EPSTI1: variants seen among roughly 807,000 people sequenced by gnomAD.
EPSTI1 encodes the protein epithelial stromal interaction 1.
A neutral mutation model predicts 49.9 loss-of-function variants in EPSTI1; 66 were observed. That is an observed-to-expected ratio of 1.32 (90% CI 1.08 to 1.62). EPSTI1 has a LOEUF of 1.62. Among genes scored for constraint, EPSTI1 ranks in the 40% most tolerant of loss-of-function variants. The pLI is 0.00. For missense variants in EPSTI1, 394 were observed against 365.5 expected (o/e 1.08, Z -0.64); for synonymous variants, 137 against 130.7 (o/e 1.05, Z -0.33).
rs2153406566 is a variant in EPSTI1, at chr13:42,887,881, AG to A, written c.*612del. Reference sequence around the variant, plus strand: ...CAAAACAAGAGCCAACAGTAATGACAGTACTATATTTGATCTATACGGCCTG... The same window carrying A: ...CAAAACAAGAGCCAACAGTAATGACATACTATATTTGATCTATACGGCCTG... On this transcript the variant is annotated 3_prime_UTR_variant, in exon 11 of 11. Transcript: ENST00000313624. 6.3e-6 allele frequency: 1 copy of A among 159,524 alleles called. No individual in the cohort carries two copies. Among genetic ancestry groups the A allele is most frequent in the Admixed American group, 6.2e-5 (1 of 16,086 alleles). 9.9% of individuals were successfully genotyped at this position (159,524 alleles called of 1,614,324 possible). A position where few individuals can be genotyped will look rare whatever the true frequency, so the allele number is the denominator to read the frequency against.
At chr13:42,938,892 G>GAGAC (rs894146646) in intron 6 of EPSTI1, among the ~76,000 whole-genome samples, 4 of 97,076 alleles carry the variant, frequency 4.1e-5, no homozygotes, top group African/African-American at 1.6e-4. Context: ...TCCAGCCTGG[G>GAGAC]AGACAGAGCA....
intron 8 of EPSTI1, among the ~76,000 whole-genome samples, chr13:42,913,377 CA>C (rs200540068): frequency 6.6e-6 from 1 of 151,224 alleles, no homozygotes; most frequent in Non-Finnish European, 1.5e-5. Context: ...AAATACTAAC[CA>C]AAAAAAACTG....
Position 42,917,634 on chromosome 13 carries a change from T to TAAAAAC in EPSTI1, c.658-11_658-10insGTTTTT. On this transcript the variant is annotated splice_polypyrimidine_tract_variant and intron_variant, in intron 7 of 10. Transcript: ENST00000313624. Reference sequence around the variant, plus strand: ...AAGCCCAGCTTCTGGCCTGTAAAGGTACAAAGAGAAAAAAAAAAAAAAAAA... The same window carrying TAAAAAC: ...AAGCCCAGCTTCTGGCCTGTAAAGGTAAAAACACAAAGAGAAAAAAAAAAAAAAAAA... The TAAAAAC allele has an allele frequency of 4.0e-6, 1 of 247,940 alleles. No individual in the cohort carries two copies. The highest frequency in any genetic ancestry group is 7.3e-6 in the Non-Finnish European group (1 of 136,080). 15.4% of individuals were successfully genotyped at this position (247,940 alleles called of 1,614,324 possible).
At chr13:42,959,857 G>A (rs1008823727) in intron 5 of EPSTI1, among the ~76,000 whole-genome samples, 42 of 152,146 alleles carry the variant, frequency 2.8e-4, no homozygotes, top group Admixed American at 2.5e-3. Context: ...ACCAACTTCC[G>A]ATGGAAAATA....
At chr13:42,938,576 G>C (rs1031141307) in intron 6 of EPSTI1, among the ~76,000 whole-genome samples, 3 of 152,164 alleles carry the variant, frequency 2.0e-5, no homozygotes, top group Admixed American at 2.0e-4. Flanking sequence ...GAAAGTCCTA[G>C]ATGGCATTTT....
At chr13:42,980,952 G>A (rs528635482) in intron 1 of EPSTI1, among the ~76,000 whole-genome samples, 2 of 152,080 alleles carry the variant, frequency 1.3e-5, no homozygotes, top group Non-Finnish European at 2.9e-5. Flanking sequence ...TTATAGCAGG[G>A]GCTCAGCTTT....
intron 5 of EPSTI1, among the ~76,000 whole-genome samples, chr13:42,958,658 T>C (rs2039348285): frequency 6.6e-6 from 1 of 152,080 alleles, no homozygotes; most frequent in Non-Finnish European, 1.5e-5. Flanking sequence ...AAAATAAAGA[T>C]ACTTAAGGCT....
At chr13:42,913,479 A>G (rs560864348) in intron 8 of EPSTI1, among the ~76,000 whole-genome samples, 1 of 152,364 alleles carries the variant, frequency 6.6e-6, no homozygotes, top group Non-Finnish European at 1.5e-5. Flanking sequence ...CTTCATATTG[A>G]TAAAATCTAT....
chr13:42,917,640 G>GAAAAAAA lies in EPSTI1; in HGVS notation c.658-17_658-16insTTTTTTT. 2.7e-5 allele frequency: 4 copies of GAAAAAAA among 149,414 alleles called. No homozygotes were observed. The highest frequency in any genetic ancestry group is 1.3e-4 in the Admixed American group (1 of 7,678). 9.3% of individuals were successfully genotyped at this position (149,414 alleles called of 1,614,324 possible). On this transcript the variant is annotated splice_polypyrimidine_tract_variant and intron_variant, in intron 7 of 10. Transcript: ENST00000313624. ...AGCTTCTGGCCTGTAAAGGTACAAA[G>GAAAAAAA]AGAAAAAAAAAAAAAAAAACAACTT...
intron 5 of EPSTI1, among the ~76,000 whole-genome samples, chr13:42,956,398 C>T (rs2039272697): frequency 6.6e-6 from 1 of 152,078 alleles, no homozygotes; most frequent in South Asian, 2.1e-4. Context: ...AATTCTATAT[C>T]CAACCCAATC....
Position 42,922,811 on chromosome 13 carries a change from G to T in EPSTI1, c.657+3525C>A, listed in dbSNP as rs9533305. ...GTGCTCACAGTAGTGTGAGAGAGGA[G>T]AGCTGGAGAGGCATGAGCTATAGAG... On this transcript the variant is annotated intron_variant, in intron 7 of 10. Transcript: ENST00000313624. The surrounding 1 kb of genome is among the most constrained non-coding windows in gnomAD (Gnocchi z 4.8). Among the ~76,000 whole-genome samples, 20,022 of 152,224 alleles carry T rather than the reference G, an allele frequency of 0.13. 1,343 individuals carry two copies. Among genetic ancestry groups the T allele is most frequent in the Admixed American group, 0.17 (2,603 of 15,304 alleles).
At chr13:42,949,162 G>A (rs2039016510) in intron 6 of EPSTI1, among the ~76,000 whole-genome samples, 1 of 152,174 alleles carries the variant, frequency 6.6e-6, no homozygotes, top group Non-Finnish European at 1.5e-5. Context: ...TATTTCTTTG[G>A]CATATTTTGA....
In EPSTI1 at chr13:42,916,101, T is replaced by C. The variant is rs1435581672; in HGVS notation, c.741+1440A>G. On this transcript the variant is annotated intron_variant, in intron 8 of 10. Coordinates refer to ENST00000313624, the MANE Select transcript of EPSTI1 (RefSeq NM_033255.5). Reference sequence around the variant, plus strand: ...AATTTTATGTTAAGTTAAAAGCTCATAGAAGCAAATGAACACTTTTACGTC... The same window carrying C: ...AATTTTATGTTAAGTTAAAAGCTCACAGAAGCAAATGAACACTTTTACGTC... Among the ~76,000 whole-genome samples the C allele has an allele frequency of 2.0e-5, 3 of 152,072 alleles. No individual in the cohort carries two copies. In the East Asian group the frequency reaches 5.8e-4, roughly 29 times the overall value.
chr13:42,931,219 G>A (rs2038356835), intron 6 of EPSTI1, among the ~76,000 whole-genome samples: 1 of 127,544 alleles, frequency 7.8e-6, no homozygotes, highest in Non-Finnish European at 1.6e-5. Context: ...TTTTTTTTGA[G>A]ACGGAGTCTC....
chr13:42,889,263 AT>A (rs568559573), intron 10 of EPSTI1: 19 of 1,419,902 alleles, frequency 1.3e-5, no homozygotes, highest in South Asian at 9.5e-5. Context: ...AAAAAAATAT[AT>A]TTTTTACATA....
intron 5 of EPSTI1, among the ~76,000 whole-genome samples, chr13:42,959,417 A>G (rs1431091334): frequency 6.6e-6 from 1 of 152,216 alleles, no homozygotes; most frequent in Non-Finnish European, 1.5e-5. Flanking sequence ...TTCCCAATTT[A>G]TATAAACAAC....
chr13:42,889,582 C>T (rs571468742), intron 10 of EPSTI1, among the ~76,000 whole-genome samples: 65 of 152,300 alleles, frequency 4.3e-4, no homozygotes, highest in Non-Finnish European at 8.8e-4. Context: ...GCTCAGTCCT[C>T]ATCTATCAGT....
rs2039443063 is a variant in EPSTI1 at position 42,961,328 on chromosome 13, CAA to C, written c.489+1925_489+1926del. ...TCCACCACAGTCGGTTTCAAACTGA[CAA>C]TGATGAAGCCAAGTAGCTCAAAAAA... On this transcript the variant is annotated intron_variant, in intron 5 of 10. Coordinates refer to ENST00000313624, the MANE Select transcript of EPSTI1 (RefSeq NM_033255.5). Among the ~76,000 whole-genome samples, 7 of 152,248 alleles carry C rather than the reference CAA, an allele frequency of 4.6e-5. No individual in the cohort carries two copies. The South Asian group carries it at 1.5e-3, about 32-fold the overall frequency.
intron 5 of EPSTI1, among the ~76,000 whole-genome samples, chr13:42,955,142 A>G (rs928347904): frequency 1.3e-5 from 2 of 152,224 alleles, no homozygotes; most frequent in East Asian, 3.8e-4. Flanking sequence ...TTAATGAAAC[A>G]CAGAATTCTA....
Sources: gnomAD v4.1 joint callset for allele counts (sites outside exome capture counted in the v4.1 genomes callset) on GRCh38, gnomAD v4.1.1 for gene constraint, Gnocchi (gnomAD v3.1) non-coding constraint, MANE v1.5 for transcripts, NCBI Gene and HGNC (gene_info 2026-07-23, HGNC 2026-07-21) for gene names.